Variants in SOBP observed in about 807,000 individuals in gnomAD.
SOBP encodes the protein sine oculis-binding protein homolog.
SOBP carries 4 observed loss-of-function variants against 53.6 expected under a neutral mutation model. The ratio of observed to expected loss-of-function variants is 0.07; its 90% CI spans 0.04 to 0.17. The LOEUF (loss-of-function observed/expected upper bound fraction) is 0.17. Ranked by LOEUF, SOBP falls within the 10% of genes least tolerant of loss-of-function variation. SOBP has a pLI of 1.00. For missense variants in SOBP, 1,088 were observed against 1,204.7 expected (o/e 0.90, Z 1.43); for synonymous variants, 584 against 522.6 (o/e 1.12, Z -1.60).
intron 5 of SOBP, among the ~76,000 whole-genome samples, chr6:107,593,972 G>T (rs1333549775): frequency 1.3e-5 from 2 of 152,214 alleles, no homozygotes; most frequent in Non-Finnish European, 2.9e-5. Flanking sequence ...CATCGCAAAT[G>T]TTGCTGACTT....
intron 3 of SOBP, among the ~76,000 whole-genome samples, chr6:107,522,052 A>C (rs982389381): frequency 6.7e-6 from 1 of 149,646 alleles, no homozygotes; most frequent in Non-Finnish European, 1.5e-5. Flanking sequence ...GATGAGGTTT[A>C]AGATAAGATA....
chr6:107,535,554 C>G (rs1783968192), intron 4 of SOBP, among the ~76,000 whole-genome samples: 1 of 151,944 alleles, frequency 6.6e-6, no homozygotes, highest in East Asian at 1.9e-4. Context: ...CAATTCCTCC[C>G]TTCTCTGCAG....
intron 3 of SOBP, among the ~76,000 whole-genome samples, chr6:107,517,053 A>T (rs1293871937): frequency 2.0e-5 from 3 of 152,256 alleles, no homozygotes; most frequent in Non-Finnish European, 4.4e-5. Flanking sequence ...GAGCAAGAAT[A>T]GTTCAAACAA....
chr6:107,633,771 GAAGGCC>G lies in SOBP; in HGVS notation c.928_933del (p.Lys310_Ala311del). 1.2e-6 allele frequency: 2 copies of G among 1,614,220 alleles called. No homozygotes were observed. The highest frequency in any genetic ancestry group is 1.7e-6 in the Non-Finnish European group (2 of 1,180,034). ...ATATCCCGCTAACAGATGCTCGGAG[GAAGGCC>G]CCCTCCCCGGTGGCTACAGCTGGCC... On this transcript the variant is annotated inframe_deletion, in exon 6 of 7. Coordinates refer to ENST00000317357, the MANE Select transcript of SOBP (RefSeq NM_018013.4).
rs574471621 is a variant in SOBP at position 107,616,047 on chromosome 6, GA to G, written c.670-17458del. Among the ~76,000 whole-genome samples the G allele has an allele frequency of 4.9e-3, 558 of 114,190 alleles. 9 individuals are homozygous for G. Among genetic ancestry groups the G allele is most frequent in the African/African-American group, 0.018 (533 of 29,338 alleles). 74.9% of individuals were successfully genotyped at this position (114,190 alleles called of 152,430 possible). A position where few individuals can be genotyped will look rare whatever the true frequency, so the allele number is the denominator to read the frequency against. On this transcript the variant is annotated intron_variant, in intron 5 of 6. Transcript: ENST00000317357. Reference sequence around the variant, plus strand: ...CTGGGCAAAAAAAAGAAAAAAAAAAGAAAAAAAAAGGATGCCTACTCATTGA... The same window carrying G: ...CTGGGCAAAAAAAAGAAAAAAAAAAGAAAAAAAAGGATGCCTACTCATTGA...
intron 3 of SOBP, among the ~76,000 whole-genome samples, chr6:107,507,398 C>T (rs925325027): frequency 2.0e-5 from 3 of 152,058 alleles, no homozygotes; most frequent in Non-Finnish European, 2.9e-5. Context: ...CTCTGCCTCC[C>T]GAGTTCAAGT....
intron 6 of SOBP, among the ~76,000 whole-genome samples, chr6:107,637,244 T>C (rs529959146): frequency 6.6e-6 from 1 of 152,296 alleles, no homozygotes; most frequent in Non-Finnish European, 1.5e-5. Context: ...AGCACAGCAC[T>C]TGCTGTGGTG....
chr6:107,527,700 A>G (rs1405763524), intron 3 of SOBP, among the ~76,000 whole-genome samples: 1 of 152,212 alleles, frequency 6.6e-6, no homozygotes, highest in African/African-American at 2.4e-5. Flanking sequence ...ACTTTCACCA[A>G]GGTCCTCTGT....
intron 1 of SOBP, among the ~76,000 whole-genome samples, chr6:107,500,058 T>A (rs4946833): frequency 0.38 from 57,532 of 151,998 alleles, 13,384 homozygotes; most frequent in Middle Eastern, 0.64. Context: ...GACTTGAAAA[T>A]CTTTATAGGC....
intron 6 of SOBP, among the ~76,000 whole-genome samples, chr6:107,654,784 G>T (rs113744586): frequency 0.019 from 1,643 of 86,146 alleles, 1 homozygote; most frequent in East Asian, 0.061. Context: ...CTCTGAGGGA[G>T]GGTGGCTGAG....
At chr6:107,579,192 A>G (rs1373627900) in intron 4 of SOBP, among the ~76,000 whole-genome samples, 1 of 152,192 alleles carries the variant, frequency 6.6e-6, no homozygotes, top group Non-Finnish European at 1.5e-5. Context: ...GGGAAGGGAA[A>G]GGAGCCTGGA....
At chr6:107,604,260 C>T (rs1016565436) in intron 5 of SOBP, among the ~76,000 whole-genome samples, 2 of 152,168 alleles carry the variant, frequency 1.3e-5, no homozygotes, top group African/African-American at 2.4e-5. Context: ...ATCAAGCTGT[C>T]TAAGCAGTAT....
intron 4 of SOBP, among the ~76,000 whole-genome samples, chr6:107,565,011 GA>G (rs1230647925): frequency 6.6e-6 from 1 of 152,252 alleles, no homozygotes; most frequent in Non-Finnish European, 1.5e-5. Flanking sequence ...AGGGAAACAA[GA>G]GATGGCTATT....
chr6:107,553,448 C>T (rs994473862), intron 4 of SOBP, among the ~76,000 whole-genome samples: 1 of 151,238 alleles, frequency 6.6e-6, no homozygotes, highest in Non-Finnish European at 1.5e-5. Flanking sequence ...CCTGCCTCAG[C>T]GTCCCAAGTA....
intron 4 of SOBP, among the ~76,000 whole-genome samples, chr6:107,558,563 C>T (rs1013542615): frequency 3.3e-5 from 5 of 151,980 alleles, no homozygotes; most frequent in Admixed American, 6.6e-5. Context: ...CCACCGCGCC[C>T]GGCCTAAAGA....
chr6:107,648,269 T>G (rs1771643658), intron 6 of SOBP, among the ~76,000 whole-genome samples: 1 of 152,160 alleles, frequency 6.6e-6, no homozygotes, highest in African/African-American at 2.4e-5. Context: ...GGCAGAATTT[T>G]TGGAAGGCCG....
intron 5 of SOBP, among the ~76,000 whole-genome samples, chr6:107,611,834 TA>T (rs2115102754): frequency 6.6e-6 from 1 of 152,196 alleles, no homozygotes; most frequent in Admixed American, 6.5e-5. Flanking sequence ...TTGAAGGAGT[TA>T]ACTAATTCCA....
intron 4 of SOBP, among the ~76,000 whole-genome samples, chr6:107,575,659 G>A (rs1011914389): frequency 2.6e-5 from 4 of 152,196 alleles, no homozygotes; most frequent in South Asian, 2.1e-4. Flanking sequence ...TTGTGGAAAC[G>A]CAGGTCACTT....
chr6:107,601,848 T>C (rs1786189174), intron 5 of SOBP, among the ~76,000 whole-genome samples: 1 of 152,254 alleles, frequency 6.6e-6, no homozygotes, highest in Non-Finnish European at 1.5e-5. Flanking sequence ...TTTTGAGTAG[T>C]TCCACTTAAT....
Sources: allele counts gnomAD v4.1 joint callset (sites outside exome capture counted in the v4.1 genomes callset), GRCh38; gene constraint gnomAD v4.1.1; transcripts MANE v1.5; gene names NCBI Gene and HGNC (gene_info 2026-07-23, HGNC 2026-07-21).